The following ANLN variants were observed in gnomAD, a reference collection of about 807,000 sequenced individuals.
ANLN encodes anillin.
Under a neutral mutation model 135.1 loss-of-function variants are expected in ANLN, and 59 were observed. That is an observed-to-expected ratio of 0.44 (90% CI 0.35 to 0.54). The LOEUF (loss-of-function observed/expected upper bound fraction) is 0.54, where lower values mean the gene tolerates loss of function less well. ANLN is among the 20% of genes least tolerant of loss of function. The pLI is 0.00. For missense variants in ANLN, 1,182 were observed against 1,340.0 expected (o/e 0.88, Z 1.84); for synonymous variants, 406 against 456.4 (o/e 0.89, Z 1.41).
chr7:36,442,280 T>C (rs1788805057), intron 21 of ANLN, among the ~76,000 whole-genome samples: 1 of 152,226 alleles, frequency 6.6e-6, no homozygotes, highest in African/African-American at 2.4e-5. Flanking sequence ...TTCTCAACAA[T>C]CAGAGAAGTA....
Position 36,449,841 on chromosome 7 carries a change from T to C in ANLN, c.3251+4T>C, listed in dbSNP as rs775955070. 6.2e-7 allele frequency: 1 copy of C among 1,610,336 alleles called. No homozygotes were observed. The highest frequency in any genetic ancestry group is 1.7e-5 in the Admixed American group (1 of 59,094). Reference sequence around the variant, plus strand: ...GGGACACACTCTGTGTTACCAAGTATGTATTGGCCTATAAATATTTCTATC... The same window carrying C: ...GGGACACACTCTGTGTTACCAAGTACGTATTGGCCTATAAATATTTCTATC... On this transcript the variant is annotated splice_donor_region_variant and intron_variant, in intron 23 of 23. Coordinates refer to ENST00000265748, the MANE Select transcript of ANLN (RefSeq NM_018685.5).
intron 4 of ANLN, 122 bp downstream of exon 4, chr7:36,406,688 A>C (rs1368758088): frequency 7.5e-6 from 7 of 928,386 alleles, no homozygotes; most frequent in African/African-American, 3.4e-5. Flanking sequence ...ATGCATAGTG[A>C]GTTTATATGT....
intron 7 of ANLN, among the ~76,000 whole-genome samples, chr7:36,412,799 A>G (rs1212870787): frequency 1.3e-5 from 2 of 152,184 alleles, no homozygotes; most frequent in Non-Finnish European, 2.9e-5. Context: ...CAGTCCTGCC[A>G]TGCAGGCTAT....
At chr7:36,420,862 T>A in intron 12 of ANLN, 118 bp downstream of exon 12, 1 of 939,994 alleles carries the variant, frequency 1.1e-6, no homozygotes, top group Non-Finnish European at 1.6e-6. Context: ...GAATAGTGTC[T>A]GATGCATAGA....
At chr7:36,423,977 A>T in intron 15 of ANLN, 34 bp downstream of exon 15, 1 of 1,594,524 alleles carries the variant, frequency 6.3e-7, no homozygotes, top group Non-Finnish European at 8.5e-7. Context: ...ATTCGAATGC[A>T]TTTTTCTTTT....
intron 3 of ANLN, among the ~76,000 whole-genome samples, chr7:36,401,182 T>C (rs1192985763): frequency 1.3e-5 from 2 of 152,234 alleles, no homozygotes; most frequent in African/African-American, 2.4e-5. Flanking sequence ...TTAATTCTTA[T>C]AATCTTGAGA....
chr7:36,427,642 C>T (rs1421297794), intron 20 of ANLN, among the ~76,000 whole-genome samples: 1 of 152,158 alleles, frequency 6.6e-6, no homozygotes, highest in Non-Finnish European at 1.5e-5. Context: ...GTGTGAGCCA[C>T]CTTGCCCGGC....
intron 22 of ANLN, 24 bp from the exon 23 acceptor site, chr7:36,449,641 A>G: frequency 6.3e-7 from 1 of 1,581,354 alleles, no homozygotes; most frequent in Non-Finnish European, 8.6e-7. Flanking sequence ...TTTTCTACTA[A>G]TTTCTCTTAA....
At chr7:36,438,120 A>G (rs920030007) in intron 20 of ANLN, among the ~76,000 whole-genome samples, 6 of 152,044 alleles carry the variant, frequency 3.9e-5, no homozygotes, top group Non-Finnish European at 7.4e-5. Context: ...TAGCTCTCAT[A>G]CTTAGGATAT....
At chr7:36,410,425 A>G in intron 5 of ANLN, 89 bp from the exon 6 acceptor site, 2 of 1,097,204 alleles carry the variant, frequency 1.8e-6, no homozygotes, top group Non-Finnish European at 2.5e-6. Context: ...AGCATTTTGA[A>G]GCTGTAATGT....
rs546604179 is a variant in ANLN, at chr7:36,416,114, G to A, written c.1522+230G>A. On this transcript the variant is annotated intron_variant, in intron 8 of 23. Coordinates refer to ENST00000265748, the MANE Select transcript of ANLN (RefSeq NM_018685.5). ...TGGCTCACTGCAACCCTCACCTCCCGGGTTCAAACGATTTTCCTGCCTCAG... is the reference window on the plus strand; with the variant it reads ...TGGCTCACTGCAACCCTCACCTCCCAGGTTCAAACGATTTTCCTGCCTCAG... 4.6e-5 allele frequency among the ~76,000 whole-genome samples: 7 copies of A among 152,168 alleles called. No individual in the cohort carries two copies. The East Asian group carries it at 5.8e-4, about 13-fold the overall frequency.
At chr7:36,448,022 T>C (rs1789086057) in intron 22 of ANLN, among the ~76,000 whole-genome samples, 1 of 151,992 alleles carries the variant, frequency 6.6e-6, no homozygotes, top group Admixed American at 6.6e-5. Context: ...TTTTTTCTTT[T>C]CTTTTTTTTT....
intron 3 of ANLN, among the ~76,000 whole-genome samples, chr7:36,399,678 G>C (rs907104357): frequency 6.6e-6 from 1 of 152,134 alleles, no homozygotes; most frequent in Admixed American, 6.5e-5. Context: ...CAAACTATAC[G>C]TGTTGTTAGC....
chr7:36,419,441 G>T lies in ANLN; in HGVS notation c.1831G>T (p.Ala611Ser). 6.2e-7 allele frequency: 1 copy of T among 1,613,902 alleles called. No individual in the cohort carries two copies. ...GAATATCTCCTCAATGTCTTTACTTGCACCATTGGCACAAACAGTTGGTGT... is the reference window on the plus strand; with the variant it reads ...GAATATCTCCTCAATGTCTTTACTTTCACCATTGGCACAAACAGTTGGTGT... Reference protein sequence around the residue: ...ALNISSMSLLAPLAQTVGVVS... With the variant: ...ALNISSMSLLSPLAQTVGVVS... The change falls in exon 10 of 24, where the codon GCA (alanine) becomes TCA (serine). Residue 611 changes from alanine to serine, a missense_variant. Ala to Ser is a moderately conservative substitution (Grantham distance 99). This residue lies in a region of ANLN where 1,022 missense variants were observed against 1,134.0 expected (regional missense o/e 0.90). Coordinates refer to ENST00000265748, the MANE Select transcript of ANLN (RefSeq NM_018685.5).
chr7:36,396,546 G>A, intron 2 of ANLN, 127 bp downstream of exon 2: 3 of 819,506 alleles, frequency 3.7e-6, no homozygotes, highest in East Asian at 2.9e-5. Flanking sequence ...AGCCTCTGGG[G>A]GAAATAACAG....
intron 9 of ANLN, among the ~76,000 whole-genome samples, chr7:36,418,077 G>T (rs936381258): frequency 2.0e-5 from 3 of 152,106 alleles, no homozygotes; most frequent in Non-Finnish European, 4.4e-5. Context: ...AAATACTTAC[G>T]TTTACTGCTT....
At chr7:36,407,500 A>G (rs1383672063) in intron 4 of ANLN, among the ~76,000 whole-genome samples, 2 of 152,112 alleles carry the variant, frequency 1.3e-5, no homozygotes, top group Non-Finnish European at 2.9e-5. Flanking sequence ...TTCATTACCC[A>G]TGAGTATATT....
chr7:36,418,795 C>T (rs1229658646), intron 9 of ANLN, among the ~76,000 whole-genome samples: 1 of 151,580 alleles, frequency 6.6e-6, no homozygotes, highest in Non-Finnish European at 1.5e-5. Flanking sequence ...CTCTTGTCCC[C>T]CAGGCTAGAG....
At chr7:36,397,655 G>A (rs1213308417) in intron 2 of ANLN, among the ~76,000 whole-genome samples, 2 of 152,230 alleles carry the variant, frequency 1.3e-5, no homozygotes, top group Non-Finnish European at 2.9e-5. Flanking sequence ...GCTCACGCCT[G>A]TAATCCCAAC....
Sources: allele counts gnomAD v4.1 joint callset (sites outside exome capture counted in the v4.1 genomes callset), GRCh38; gene constraint gnomAD v4.1.1; regional missense constraint gnomAD v4.1.1; transcripts MANE v1.5; gene names NCBI Gene and HGNC (gene_info 2026-07-23, HGNC 2026-07-21).